Variants in ADIPOR2 observed in about 807,000 individuals in gnomAD.
ADIPOR2 encodes adiponectin receptor 2.
In ADIPOR2, 18 loss-of-function variants were observed where a neutral mutation model predicts 40.9. The ratio of observed to expected loss-of-function variants is 0.44; its 90% confidence interval spans 0.30 to 0.65. The LOEUF (loss-of-function observed/expected upper bound fraction) is 0.65, where lower values mean the gene tolerates loss of function less well. Ranked by LOEUF, ADIPOR2 falls within the 30% of genes least tolerant of loss-of-function variation. ADIPOR2 has a pLI of 0.09. For synonymous variants in ADIPOR2, 165 were observed against 166.4 expected (o/e 0.99, Z 0.06); for missense variants, 283 against 479.2 (o/e 0.59, Z 3.82).
chr12:1,755,881 ATTGT>A (rs1862114935), intron 2 of ADIPOR2, among the ~76,000 whole-genome samples: 1 of 152,142 alleles, frequency 6.6e-6, no homozygotes, highest in African/African-American at 2.4e-5. Context: ...ACACATTTAA[ATTGT>A]TTTAGTTTTA....
At chr12:1,743,476 G>C (rs533554922) in intron 1 of ADIPOR2, among the ~76,000 whole-genome samples, 1 of 152,116 alleles carries the variant, frequency 6.6e-6, no homozygotes, top group African/African-American at 2.4e-5. Flanking sequence ...TTCAAAACCA[G>C]CCTGGGCAAC....
chr12:1,695,663 C>CAAAA (rs34987467), intron 1 of ADIPOR2, among the ~76,000 whole-genome samples: 3 of 109,108 alleles, frequency 2.7e-5, no homozygotes, highest in Non-Finnish European at 3.6e-5. Flanking sequence ...AACTCCATCT[C>CAAAA]AAAAAAAAAA....
At position 1,747,876 on chromosome 12, in the gene ADIPOR2, T is replaced by C. The variant is rs75774502; in HGVS notation, c.-86-6382T>C. Among the ~76,000 whole-genome samples, 676 of 149,798 alleles carry C rather than the reference T, an allele frequency of 4.5e-3. 4 individuals carry two copies. The highest frequency in any genetic ancestry group is 0.016 in the African/African-American group (645 of 40,972). ...TTCTCCTTGACTTTGACTTTCAACA[T>C]TTTTACTGTGAGGCATCTGTCTGGA... On this transcript the variant is annotated intron_variant, in intron 1 of 7. Coordinates refer to ENST00000357103, the MANE Select transcript of ADIPOR2 (RefSeq NM_024551.3).
intron 2 of ADIPOR2, among the ~76,000 whole-genome samples, chr12:1,761,845 G>A (rs957458224): frequency 1.3e-5 from 2 of 152,062 alleles, no homozygotes; most frequent in African/African-American, 4.8e-5. Flanking sequence ...TATATTCTTC[G>A]CACAGTTCCT....
At chr12:1,744,940 CT>C (rs1033707753) in intron 1 of ADIPOR2, among the ~76,000 whole-genome samples, 6 of 151,928 alleles carry the variant, frequency 3.9e-5, no homozygotes, top group East Asian at 3.9e-4. Context: ...TATGTGCAGT[CT>C]TTTTTTTGCA....
intron 1 of ADIPOR2, among the ~76,000 whole-genome samples, chr12:1,708,291 G>C (rs1288169719): frequency 6.6e-6 from 1 of 151,842 alleles, no homozygotes; most frequent in African/African-American, 2.4e-5. Flanking sequence ...AGTCCACCAG[G>C]GATACCGAGA....
chr12:1,772,672 T>C (rs1862512516), intron 2 of ADIPOR2, 170 bp from the exon 3 acceptor site: 5 of 767,270 alleles, frequency 6.5e-6, no homozygotes, highest in Admixed American at 3.7e-5. Context: ...CTAGTGTTCA[T>C]TTTTAATACT....
At chr12:1,723,463 G>GAAA (rs58233234) in intron 1 of ADIPOR2, among the ~76,000 whole-genome samples, 19 of 106,160 alleles carry the variant, frequency 1.8e-4, no homozygotes, top group African/African-American at 6.6e-4. Flanking sequence ...CGTCTCTACT[G>GAAA]AAAAAAAAAA....
chr12:1,696,201 A>G (rs1482704741), intron 1 of ADIPOR2: 1 of 152,766 alleles, frequency 6.5e-6, no homozygotes, highest in Non-Finnish European at 1.5e-5. Flanking sequence ...TGAGCCATGC[A>G]GATTTTCTAG....
chr12:1,712,316 A>G (rs6489325), intron 1 of ADIPOR2, among the ~76,000 whole-genome samples: 148,132 of 152,156 alleles, frequency 0.97, 72,254 homozygotes, highest in East Asian at 1. Flanking sequence ...AAGGAGTAGC[A>G]CCTGGTATCC....
chr12:1,754,128 A>G (rs1036265166), intron 1 of ADIPOR2, 130 bp from the exon 2 acceptor site: 1 of 399,508 alleles, frequency 2.5e-6, no homozygotes, highest in Non-Finnish European at 4.3e-6. Flanking sequence ...GTCAACAAAT[A>G]TAGCTTTTAA....
chr12:1,785,184 T>A (rs1413107643), intron 7 of ADIPOR2, among the ~76,000 whole-genome samples: 1 of 152,240 alleles, frequency 6.6e-6, no homozygotes, highest in Non-Finnish European at 1.5e-5. Context: ...CTTTTTCATT[T>A]TGAGATTATA....
chr12:1,760,044 A>G (rs1230654782), intron 2 of ADIPOR2, among the ~76,000 whole-genome samples: 1 of 151,816 alleles, frequency 6.6e-6, no homozygotes, highest in Admixed American at 6.5e-5. Flanking sequence ...CAAAACAAAC[A>G]AAACAAAACA....
At chr12:1,747,055 C>G (rs1298478014) in intron 1 of ADIPOR2, among the ~76,000 whole-genome samples, 1 of 145,142 alleles carries the variant, frequency 6.9e-6, no homozygotes, top group East Asian at 2.1e-4. Flanking sequence ...TCCACTGCCC[C>G]CCCCCAAAAA....
intron 1 of ADIPOR2, among the ~76,000 whole-genome samples, chr12:1,744,035 G>T (rs549893424): frequency 6.6e-6 from 1 of 152,244 alleles, no homozygotes; most frequent in East Asian, 1.9e-4. Flanking sequence ...GTCCTTATCT[G>T]AATGCAGAAA....
chr12:1,771,704 G>T (rs1315532108), intron 2 of ADIPOR2, among the ~76,000 whole-genome samples: 1 of 152,156 alleles, frequency 6.6e-6, no homozygotes, highest in Non-Finnish European at 1.5e-5. Flanking sequence ...TTTTAAACAA[G>T]ATCAAATTTA....
chr12:1,743,722 A>T (rs1032083202), intron 1 of ADIPOR2, among the ~76,000 whole-genome samples: 1 of 152,234 alleles, frequency 6.6e-6, no homozygotes, highest in Non-Finnish European at 1.5e-5. Flanking sequence ...TGTTATTAAT[A>T]TGAGTTATCT....
chr12:1,747,266 T>C (rs1407822088), intron 1 of ADIPOR2, among the ~76,000 whole-genome samples: 1 of 152,126 alleles, frequency 6.6e-6, no homozygotes, highest in African/African-American at 2.4e-5. Flanking sequence ...AAGTGCCTTT[T>C]CTAATCACAA....
At chr12:1,751,840 A>G (rs1241548216) in intron 1 of ADIPOR2, among the ~76,000 whole-genome samples, 1 of 151,588 alleles carries the variant, frequency 6.6e-6, no homozygotes, top group African/African-American at 2.4e-5. Flanking sequence ...TTATAGTCTC[A>G]TAAATGAGCA....
Sources: gnomAD v4.1 joint callset for allele counts (sites outside exome capture counted in the v4.1 genomes callset) on GRCh38, gnomAD v4.1.1 for gene constraint, MANE v1.5 for transcripts, NCBI Gene and HGNC (gene_info 2026-07-23, HGNC 2026-07-21) for gene names.